The following ATP6V1H variants were observed in gnomAD, a reference collection of about 807,000 sequenced individuals.
The protein encoded by ATP6V1H is ATPase H+ transporting V1 subunit H, also known as V-type proton ATPase subunit H.
ATP6V1H carries 39 observed loss-of-function variants against 71.7 expected under a neutral mutation model. The observed-to-expected ratio is 0.54, with a 90% CI of 0.42 to 0.71. The LOEUF is 0.71. ATP6V1H is among the 30% of genes least tolerant of loss of function. The probability of loss-of-function intolerance (pLI) is 0.00; values close to 1 mark genes in which losing one functional copy is unlikely to be tolerated. For missense variants in ATP6V1H, 509 were observed against 594.9 expected (o/e 0.86, Z 1.50); for synonymous variants, 192 against 199.3 (o/e 0.96, Z 0.31).
At chr8:53,725,723 C>T (rs762300706) in intron 13 of ATP6V1H, among the ~76,000 whole-genome samples, 2 of 151,610 alleles carry the variant, frequency 1.3e-5, no homozygotes, top group Non-Finnish European at 1.5e-5. Flanking sequence ...CTATCATCTA[C>T]CCCAACTGGG....
chr8:53,766,645 C>T (rs1353969913), intron 11 of ATP6V1H, among the ~76,000 whole-genome samples: 5 of 152,168 alleles, frequency 3.3e-5, no homozygotes, highest in African/African-American at 4.8e-5. Context: ...AAAGAGAATG[C>T]GCACCTAGGG....
At chr8:53,755,820 G>C (rs564065494) in intron 12 of ATP6V1H, among the ~76,000 whole-genome samples, 5 of 96,668 alleles carry the variant, frequency 5.2e-5, no homozygotes, top group Non-Finnish European at 8.1e-5. Flanking sequence ...TGCAGTGGCG[G>C]GATCTCGGCT....
intron 12 of ATP6V1H, among the ~76,000 whole-genome samples, chr8:53,753,565 A>G (rs1807878111): frequency 6.6e-6 from 1 of 152,336 alleles, no homozygotes; most frequent in Non-Finnish European, 1.5e-5. Context: ...GAGAAGATGA[A>G]TTCTTCAACA....
intron 9 of ATP6V1H, among the ~76,000 whole-genome samples, chr8:53,788,263 A>T (rs1809445799): frequency 6.6e-6 from 1 of 152,202 alleles, no homozygotes; most frequent in African/African-American, 2.4e-5. Context: ...CTGCCATTGG[A>T]CTGGGTCTAT....
intron 4 of ATP6V1H, among the ~76,000 whole-genome samples, chr8:53,820,356 A>G (rs1406663676): frequency 6.6e-6 from 1 of 151,978 alleles, no homozygotes; most frequent in Admixed American, 6.6e-5. Context: ...AAAAAGGAAC[A>G]AAAGAGGAAA....
intron 9 of ATP6V1H, among the ~76,000 whole-genome samples, chr8:53,789,406 C>T (rs1809494273): frequency 6.6e-6 from 1 of 152,130 alleles, no homozygotes; most frequent in Admixed American, 6.6e-5. Flanking sequence ...GGCACGGTGG[C>T]TCACACCTGT....
chr8:53,720,564 C>G (rs1308082565), intron 13 of ATP6V1H, among the ~76,000 whole-genome samples: 1 of 152,192 alleles, frequency 6.6e-6, no homozygotes, highest in Admixed American at 6.5e-5. Context: ...TAATCAAATG[C>G]CTTACCTTCA....
intron 9 of ATP6V1H, among the ~76,000 whole-genome samples, chr8:53,788,402 G>C (rs1809450074): frequency 6.6e-6 from 1 of 152,018 alleles, no homozygotes; most frequent in Non-Finnish European, 1.5e-5. Flanking sequence ...CTAAATATTA[G>C]TAACATATTC....
At chr8:53,829,333 T>A in intron 4 of ATP6V1H, 111 bp downstream of exon 4, 1 of 685,218 alleles carries the variant, frequency 1.5e-6, no homozygotes. Flanking sequence ...TATATTATTA[T>A]GCTCTAGAAG....
chr8:53,733,572 T>C (rs1563440749), intron 13 of ATP6V1H, among the ~76,000 whole-genome samples: 1 of 152,172 alleles, frequency 6.6e-6, no homozygotes, highest in Non-Finnish European at 1.5e-5. Context: ...GCAGGTACAC[T>C]ACCTAGGATT....
chr8:53,722,274 G>A (rs532527331), intron 13 of ATP6V1H, among the ~76,000 whole-genome samples: 8 of 152,148 alleles, frequency 5.3e-5, no homozygotes, highest in Non-Finnish European at 1.0e-4. Context: ...GGCAGGCAAC[G>A]CACTGAGCCA....
intron 5 of ATP6V1H, 31 bp downstream of exon 5, chr8:53,817,386 A>T (rs560215876): frequency 1.3e-5 from 19 of 1,491,920 alleles, no homozygotes; most frequent in South Asian, 2.3e-5. Flanking sequence ...AAAAAATTTT[A>T]AAAAAAGAAT....
intron 13 of ATP6V1H, among the ~76,000 whole-genome samples, chr8:53,730,300 A>G (rs536410539): frequency 6.6e-6 from 1 of 152,342 alleles, no homozygotes; most frequent in African/African-American, 2.4e-5. Flanking sequence ...TAAACAAACT[A>G]TTCTTGGAGA....
chr8:53,756,898 C>G (rs937925048), intron 11 of ATP6V1H, among the ~76,000 whole-genome samples: 2 of 152,296 alleles, frequency 1.3e-5, no homozygotes, highest in South Asian at 4.1e-4. Context: ...GGGACTCCCC[C>G]CTCAAGAAAA....
At chr8:53,791,814 G>A (rs570508178) in intron 9 of ATP6V1H, among the ~76,000 whole-genome samples, 42 of 152,086 alleles carry the variant, frequency 2.8e-4, no homozygotes, top group African/African-American at 9.2e-4. Context: ...GCTTATTCAC[G>A]TCGACTGTCT....
chr8:53,817,237 TAAAA>T (rs35983124), intron 5 of ATP6V1H, among the ~76,000 whole-genome samples, 176 bp downstream of exon 5: 4 of 144,326 alleles, frequency 2.8e-5, no homozygotes, highest in Non-Finnish European at 6.1e-5. Context: ...TCTTTGTATT[TAAAA>T]AAAAAAAAAA....
chr8:53,742,201 G>C (rs951492276), intron 13 of ATP6V1H, among the ~76,000 whole-genome samples: 3 of 152,088 alleles, frequency 2.0e-5, no homozygotes, highest in Non-Finnish European at 4.4e-5. Flanking sequence ...CTTCATATCA[G>C]AGTTGCCCAA....
intron 7 of ATP6V1H, among the ~76,000 whole-genome samples, chr8:53,802,677 A>G (rs1809951593): frequency 6.6e-6 from 1 of 152,016 alleles, no homozygotes; most frequent in South Asian, 2.1e-4. Context: ...CCAAGATCAC[A>G]CCACTGCACT....
At chr8:53,805,732 C>G (rs1466604853) in intron 7 of ATP6V1H, among the ~76,000 whole-genome samples, 1 of 152,002 alleles carries the variant, frequency 6.6e-6, no homozygotes, top group Non-Finnish European at 1.5e-5. Flanking sequence ...TCACAAGAGT[C>G]AAAAAACTAG....
Sources: gnomAD v4.1 joint callset for allele counts (sites outside exome capture counted in the v4.1 genomes callset) on GRCh38, gnomAD v4.1.1 for gene constraint, MANE v1.5 for transcripts, NCBI Gene and HGNC (gene_info 2026-07-23, HGNC 2026-07-21) for gene names.